Variants in DNASE1 observed in about 807,000 individuals in gnomAD.
The protein encoded by DNASE1 is deoxyribonuclease-1.
Under a neutral mutation model 33.9 loss-of-function variants are expected in DNASE1, and 40 were observed. That is an observed-to-expected ratio of 1.18 (90% CI 0.92 to 1.54). DNASE1 has a LOEUF of 1.54. Ranked by LOEUF, DNASE1 falls within the 40% of genes most tolerant of loss-of-function variation. The pLI, the probability that DNASE1 is intolerant of heterozygous loss-of-function variation, is 0.00. For missense variants in DNASE1, 518 were observed against 372.6 expected (o/e 1.39, Z -3.21); for synonymous variants, 216 against 160.0 (o/e 1.35, Z -2.64).
intron 1 of DNASE1, among the ~76,000 whole-genome samples, chr16:3,632,876 G>A (rs2041742659): frequency 6.6e-6 from 1 of 152,164 alleles, no homozygotes; most frequent in South Asian, 2.1e-4. Flanking sequence ...GTGAGCAACT[G>A]TGCCCAGCCT....
downstream of DNASE1, chr16:3,658,766 G>A (rs759876612): frequency 3.7e-6 from 6 of 1,607,432 alleles, no homozygotes; most frequent in African/African-American, 5.4e-5. Context: ...CTGGGTCCCT[G>A]CAGTCATCCT....
At chr16:3,645,092 C>G (rs998803902) in intron 1 of DNASE1, among the ~76,000 whole-genome samples, 1 of 152,134 alleles carries the variant, frequency 6.6e-6, no homozygotes, top group African/African-American at 2.4e-5. Context: ...TGTGCCACTG[C>G]ACTCCAGCCT....
At chr16:3,653,992 T>G (rs2042442493), upstream of DNASE1, 1 of 166,498 alleles carries the variant, frequency 6.0e-6, no homozygotes, top group South Asian at 2.0e-4. Context: ...ACCCATAGTC[T>G]TAGCTACTCA....
intron 5 of DNASE1, 23 bp from the exon 6 acceptor site, chr16:3,656,974 TCA>T: frequency 6.2e-7 from 1 of 1,610,344 alleles, no homozygotes; most frequent in Middle Eastern, 1.7e-4. Flanking sequence ...GGAGTGTGCC[TCA>T]CACGACGTGG....
chr16:3,657,855 C>A lies in DNASE1; in HGVS notation c.801+39C>A, dbSNP rs1429888851. The stretch of plus-strand genomic sequence containing the variant: ...CTTGCACAGCCACATGAGGATGGGA[C>A]ACAGGAGCTCAGGTAGGCTCAGCCC... On this transcript the variant is annotated intron_variant, in intron 8 of 8. Coordinates refer to ENST00000246949, the MANE Select transcript of DNASE1 (RefSeq NM_005223.4). The A allele has an allele frequency of 2.5e-6, 4 of 1,613,974 alleles. No individual in the cohort carries two copies. The Admixed American group carries it at 6.7e-5, about 27-fold the overall frequency.
chr16:3,664,014 G>C (rs1596694732), exon 10 of DNASE1: 2 of 413,100 alleles, frequency 4.8e-6, no homozygotes, highest in Middle Eastern at 6.6e-4. Flanking sequence ...AGTGAGCCGA[G>C]ATCGCACCAC....
intron 1 of DNASE1, among the ~76,000 whole-genome samples, chr16:3,645,072 G>A (rs1297476195): frequency 6.6e-6 from 1 of 152,050 alleles, no homozygotes; most frequent in Admixed American, 6.6e-5. Flanking sequence ...AGGCTCCAGT[G>A]AGCCAAGATT....
intron 1 of DNASE1, among the ~76,000 whole-genome samples, chr16:3,624,920 G>A (rs1427178476): frequency 6.6e-6 from 1 of 151,916 alleles, no homozygotes; most frequent in Non-Finnish European, 1.5e-5. Context: ...GGCTCGTCTC[G>A]AACTGGGCTC....
intron 1 of DNASE1, among the ~76,000 whole-genome samples, chr16:3,631,199 T>G (rs891174840): frequency 1.3e-5 from 2 of 151,766 alleles, no homozygotes; most frequent in East Asian, 1.9e-4. Context: ...ATTTTTTGGG[T>G]TTTTTTGTTG....
chr16:3,654,424 CCACAGAGCAGT>C (rs1310224338), upstream of DNASE1: 3 of 398,624 alleles, frequency 7.5e-6, no homozygotes, highest in Non-Finnish European at 8.8e-6. Flanking sequence ...GTGTCCTGGG[CCACAGAGCAGT>C]CATGGCTGTC....
exon 10 of DNASE1, chr16:3,664,549 G>A: frequency 7.3e-7 from 1 of 1,371,988 alleles, no homozygotes; most frequent in South Asian, 1.3e-5. Flanking sequence ...CGATGCCCAT[G>A]GCCTCCTGGC....
At chr16:3,662,755 C>T (rs780769994), downstream of DNASE1, 7 of 875,468 alleles carry the variant, frequency 8.0e-6, no homozygotes, top group Non-Finnish European at 5.6e-6. Flanking sequence ...AGGGTCTCCA[C>T]CTGACACCAA....
chr16:3,636,872 C>G (rs2041883505), intron 1 of DNASE1, among the ~76,000 whole-genome samples: 1 of 152,018 alleles, frequency 6.6e-6, no homozygotes, highest in Non-Finnish European at 1.5e-5. Context: ...GCCTGTAATC[C>G]CAGCACTTCG....
chr16:3,641,310 G>A (rs1447452896), upstream of DNASE1: 2 of 182,870 alleles, frequency 1.1e-5, no homozygotes, highest in Non-Finnish European at 2.3e-5. Flanking sequence ...TTCCTGGGGA[G>A]GCTGAGGCTT....
chr16:3,662,730 C>G (rs772224171), downstream of DNASE1: 2 of 742,492 alleles, frequency 2.7e-6, no homozygotes, highest in East Asian at 2.7e-5. Context: ...CAACACGTGC[C>G]GAGCAGGGAC....
chr16:3,660,009 G>A (rs991239894), downstream of DNASE1: 1 of 152,188 alleles, frequency 6.6e-6, no homozygotes, highest in African/African-American at 2.4e-5. Context: ...TTACAGGCGT[G>A]AGGCACCGCA....
chr16:3,625,135 C>A (rs918626580), intron 1 of DNASE1, among the ~76,000 whole-genome samples: 1 of 152,008 alleles, frequency 6.6e-6, no homozygotes, highest in African/African-American at 2.4e-5. Flanking sequence ...GGTGAAACCC[C>A]GTCTCTACTA....
At chr16:3,651,918 G>A (rs1475983442), upstream of DNASE1, 1 of 152,384 alleles carries the variant, frequency 6.6e-6, no homozygotes, top group Non-Finnish European at 1.5e-5. Flanking sequence ...TGGCTTCTTA[G>A]AAGGTGAAAT....
At chr16:3,651,148 A>G (rs2042324806), upstream of DNASE1, 3 of 152,302 alleles carry the variant, frequency 2.0e-5, no homozygotes, top group South Asian at 6.2e-4. Flanking sequence ...CTGTCGTTGC[A>G]CAAAGCCACG....
Sources: allele counts gnomAD v4.1 joint callset (sites outside exome capture counted in the v4.1 genomes callset), GRCh38; gene constraint gnomAD v4.1.1; transcripts MANE v1.5; gene names NCBI Gene and HGNC (gene_info 2026-07-23, HGNC 2026-07-21).